The following MAST4 variants were observed in gnomAD, a reference collection of about 807,000 sequenced individuals.
MAST4 encodes the protein microtubule associated serine/threonine kinase family member 4.
MAST4 carries 89 observed loss-of-function variants against 162.7 expected under a neutral mutation model. The observed-to-expected ratio is 0.55, with a 90% CI of 0.46 to 0.65. The LOEUF (loss-of-function observed/expected upper bound fraction) is 0.65, where lower values mean the gene tolerates loss of function less well. MAST4 is among the 30% of genes least tolerant of loss of function. The pLI is 0.00. For missense variants in MAST4, 3,153 were observed against 3,374.0 expected, an observed-to-expected ratio of 0.93 and a Z score of 1.62; for synonymous variants, 1,479 against 1,361.1, an observed-to-expected ratio of 1.09 and a Z score of -1.91.
intron 1 of MAST4, among the ~76,000 whole-genome samples, chr5:66,743,066 G>A (rs1439889445): frequency 3.9e-5 from 6 of 152,100 alleles, no homozygotes; most frequent in Non-Finnish European, 7.4e-5. Flanking sequence ...CTCCCTGCGC[G>A]GCTCACCAGC....
intron 3 of MAST4, among the ~76,000 whole-genome samples, chr5:66,896,988 G>A (rs1284352415): frequency 6.6e-6 from 1 of 152,040 alleles, no homozygotes; most frequent in Non-Finnish European, 1.5e-5. Context: ...AAAGTCTGGG[G>A]GGAGGATACA....
chr5:66,646,846 T>C (rs1580092809), intron 1 of MAST4, among the ~76,000 whole-genome samples: 1 of 152,342 alleles, frequency 6.6e-6, no homozygotes, highest in African/African-American at 2.4e-5. Context: ...AGATTCAAGA[T>C]AGACATCAGG....
chr5:66,945,439 A>ACTATC (rs1268514008), intron 4 of MAST4, among the ~76,000 whole-genome samples: 1 of 152,170 alleles, frequency 6.6e-6, no homozygotes, highest in Non-Finnish European at 1.5e-5. Flanking sequence ...ATCCAACTTT[A>ACTATC]CACATACTAT....
intron 3 of MAST4, among the ~76,000 whole-genome samples, chr5:66,801,350 T>C (rs1476789697): frequency 6.6e-6 from 1 of 152,004 alleles, no homozygotes; most frequent in African/African-American, 2.4e-5. Flanking sequence ...CTTGGAGTGT[T>C]TGCGGCTGTG....
chr5:67,000,907 G>A (rs890615874), intron 4 of MAST4, among the ~76,000 whole-genome samples: 2 of 152,216 alleles, frequency 1.3e-5, no homozygotes, highest in Admixed American at 6.5e-5. Context: ...TTGCATTTCA[G>A]TAGGATGACA....
chr5:66,929,325 C>T (rs1741906091), intron 4 of MAST4, among the ~76,000 whole-genome samples: 2 of 152,128 alleles, frequency 1.3e-5, no homozygotes, highest in African/African-American at 2.4e-5. Context: ...GAGGAAATCA[C>T]CTTTCCTCAG....
Position 66,672,882 on chromosome 5 carries a change from T to C in MAST4, c.363+75864T>C, listed in dbSNP as rs77793588. The stretch of plus-strand genomic sequence containing the variant: ...CTTAATGCCTGATTGATCTCTCTAG[T>C]GGCCTATCAGGTACATATCCCCCAG... On this transcript the variant is annotated intron_variant, in intron 1 of 28. Transcript: ENST00000403625. Among the ~76,000 whole-genome samples, 1,014 of 152,344 alleles carry C rather than the reference T, an allele frequency of 6.7e-3. 37 individuals are homozygous for C. The highest frequency in any genetic ancestry group is 0.054 in the Admixed American group (821 of 15,304).
chr5:67,155,723 T>C (rs1470409852), intron 26 of MAST4, among the ~76,000 whole-genome samples: 1 of 152,064 alleles, frequency 6.6e-6, no homozygotes, highest in Non-Finnish European at 1.5e-5. Flanking sequence ...AAGCCGCTGA[T>C]GTGCACAGAG....
At chr5:66,809,870 G>C (rs1246099641) in intron 3 of MAST4, among the ~76,000 whole-genome samples, 1 of 152,090 alleles carries the variant, frequency 6.6e-6, no homozygotes, top group African/African-American at 2.4e-5. Context: ...CGAGTAGCTG[G>C]GATTACAGGC....
chr5:67,054,634 G>A (rs893924845), intron 5 of MAST4, 142 bp downstream of exon 5: 20 of 733,288 alleles, frequency 2.7e-5, no homozygotes, highest in Admixed American at 3.3e-5. Flanking sequence ...TGTTCTTTGC[G>A]ATATGTTAGC....
chr5:66,904,100 A>G (rs1219520257), intron 4 of MAST4, among the ~76,000 whole-genome samples: 3 of 152,138 alleles, frequency 2.0e-5, no homozygotes, highest in Admixed American at 6.5e-5. Flanking sequence ...TTTTTCACCC[A>G]TATTTTGAAT....
chr5:66,694,550 G>A (rs1416175038), intron 1 of MAST4, among the ~76,000 whole-genome samples: 3 of 151,702 alleles, frequency 2.0e-5, no homozygotes, highest in East Asian at 3.9e-4. Flanking sequence ...GCAGTGGCAC[G>A]ATCTCGGTTC....
At chr5:66,862,078 T>C (rs1366405923) in intron 3 of MAST4, among the ~76,000 whole-genome samples, 2 of 152,174 alleles carry the variant, frequency 1.3e-5, no homozygotes, top group Non-Finnish European at 2.9e-5. Flanking sequence ...CTAGCACAAA[T>C]GAAACAAGTC....
chr5:67,007,267 A>C (rs958182363), intron 4 of MAST4, among the ~76,000 whole-genome samples: 1 of 152,078 alleles, frequency 6.6e-6, no homozygotes, highest in African/African-American at 2.4e-5. Flanking sequence ...TCCTTTTCCA[A>C]GTCTAATGCT....
intron 4 of MAST4, among the ~76,000 whole-genome samples, chr5:67,016,342 C>T (rs558310074): frequency 1.3e-5 from 2 of 152,206 alleles, no homozygotes; most frequent in South Asian, 4.2e-4. Context: ...ATCTTATGGC[C>T]AAAAGAAATA....
chr5:66,716,538 T>TTTG (rs1198756741), intron 1 of MAST4, among the ~76,000 whole-genome samples: 1 of 151,920 alleles, frequency 6.6e-6, no homozygotes, highest in African/African-American at 2.4e-5. Context: ...TTTTTTTTTT[T>TTTG]TCTGTAGAGA....
rs1466003548 is a variant in MAST4 at position 67,137,903 on chromosome 5, T to TC, written c.2494+1241dup. On this transcript the variant is annotated intron_variant, in intron 19 of 28. Transcript: ENST00000403625. ...TGTTTTGCCCTTTACACAAAAGCTT[T>TC]CCAGACCCTGCATTAGAGAATCCAA... Among the ~76,000 whole-genome samples, 6 of 152,236 alleles carry TC rather than the reference T, an allele frequency of 3.9e-5. No homozygotes were observed. In the East Asian group the frequency reaches 1.2e-3, roughly 29 times the overall value.
chr5:66,713,894 T>C (rs1388195864), intron 1 of MAST4, among the ~76,000 whole-genome samples: 1 of 152,206 alleles, frequency 6.6e-6, no homozygotes, highest in Non-Finnish European at 1.5e-5. Context: ...GTCTCAGTGA[T>C]GACAATCACA....
chr5:66,644,046 T>A (rs1580084467), intron 1 of MAST4, among the ~76,000 whole-genome samples: 1 of 151,490 alleles, frequency 6.6e-6, no homozygotes, highest in South Asian at 2.1e-4. Flanking sequence ...CTGTAAGCTT[T>A]AAAAAAAATC....
Sources: allele counts gnomAD v4.1 joint callset (sites outside exome capture counted in the v4.1 genomes callset), GRCh38; gene constraint gnomAD v4.1.1; transcripts MANE v1.5; gene names NCBI Gene and HGNC (gene_info 2026-07-23, HGNC 2026-07-21).